Variants in EP400 observed in about 807,000 individuals in gnomAD.
The protein encoded by EP400 is E1A-binding protein p400.
In EP400, 105 loss-of-function variants were observed where a neutral mutation model predicts 354.1. The ratio of observed to expected loss-of-function variants is 0.30; its 90% CI spans 0.25 to 0.35. EP400 has a LOEUF of 0.35. Ranked by LOEUF, EP400 falls within the 10% of genes least tolerant of loss-of-function variation. The probability of loss-of-function intolerance (pLI) is 1.00; values close to 1 mark genes in which losing one functional copy is unlikely to be tolerated. For synonymous variants in EP400, 1,646 were observed against 1,716.9 expected, an observed-to-expected ratio of 0.96 and a Z score of 1.02; for missense variants, 3,280 against 4,121.0, an observed-to-expected ratio of 0.80 and a Z score of 5.59.
chr12:132,062,594 C>A lies in EP400; in HGVS notation c.8227C>A (p.Gln2743Lys), dbSNP rs1175335627. ...GCAGCAGCAGCAGCAGCAGCAGCAA[C>A]AGCAGCAGCAGCAACAGACGACGAC... ...QQQQQQQQQQQQQQQQTTTTS... is the reference protein window; with the variant it reads ...QQQQQQQQQQKQQQQQTTTTS... Residue 2743 changes from glutamine to lysine, a missense_variant, in exon 47 of 53, where the codon CAG becomes AAG. This residue lies in a region of EP400 where 47 missense variants were observed against 55.6 expected (regional missense o/e 0.85). Transcript: ENST00000389561. The A allele has an allele frequency of 1.2e-6, 2 of 1,607,188 alleles. No individual in the cohort carries two copies. Among genetic ancestry groups the A allele is most frequent in the Non-Finnish European group, 8.5e-7 (1 of 1,177,146 alleles).
At position 132,067,287 on chromosome 12, in the gene EP400, A is replaced by T; in HGVS notation, c.8750-75A>T. Reference sequence around the variant, plus strand: ...TTGTTATTTTCTGTAGAGGTGAGTCAGTTGGAACAGAGCTTGGCGTGAGCC... The same window carrying T: ...TTGTTATTTTCTGTAGAGGTGAGTCTGTTGGAACAGAGCTTGGCGTGAGCC... On this transcript the variant is annotated intron_variant, in intron 49 of 52. Coordinates refer to ENST00000389561, the MANE Select transcript of EP400 (RefSeq NM_015409.5). This position sits in a 1 kb window ranked among gnomAD's most constrained non-coding sequence, Gnocchi z 5.3. The T allele has an allele frequency of 6.4e-7, 1 of 1,559,098 alleles. No homozygotes were observed. Among genetic ancestry groups the T allele is most frequent in the Non-Finnish European group, 8.7e-7 (1 of 1,150,412 alleles).
rs755653355 is a variant in EP400, at chr12:132,043,290, T to C, written c.6208-14T>C. 3 of 1,602,464 alleles carry C rather than the reference T, an allele frequency of 1.9e-6. No homozygotes were observed. The highest frequency in any genetic ancestry group is 2.6e-6 in the Non-Finnish European group (3 of 1,175,834). Reference sequence around the variant, plus strand: ...AAAGTCTATCAAGGCAATCTAAACATAGACTTTCCTCAGGCCCTCAAGAGT... The same window carrying C: ...AAAGTCTATCAAGGCAATCTAAACACAGACTTTCCTCAGGCCCTCAAGAGT... On this transcript the variant is annotated splice_polypyrimidine_tract_variant and intron_variant, in intron 32 of 52. Coordinates refer to ENST00000389561, the MANE Select transcript of EP400 (RefSeq NM_015409.5).
intron 2 of EP400, among the ~76,000 whole-genome samples, chr12:131,970,477 C>T (rs1892251526): frequency 6.6e-6 from 1 of 152,216 alleles, no homozygotes; most frequent in Non-Finnish European, 1.5e-5. Context: ...TGTGTTTGTG[C>T]ACCAGGACAC....
intron 41 of EP400, 80 bp from the exon 42 acceptor site, chr12:132,053,066 C>A: frequency 6.8e-7 from 1 of 1,463,352 alleles, no homozygotes; most frequent in Non-Finnish European, 9.6e-7. Flanking sequence ...CACCTGGCAG[C>A]ATGGTGTTTC....
intron 12 of EP400, among the ~76,000 whole-genome samples, chr12:132,000,499 C>A (rs1215406705): frequency 6.6e-6 from 1 of 152,168 alleles, no homozygotes; most frequent in Non-Finnish European, 1.5e-5. Context: ...TTATCCAGTT[C>A]TTATCCTTAC....
intron 6 of EP400, among the ~76,000 whole-genome samples, chr12:131,987,397 G>A (rs1390702787): frequency 6.6e-6 from 1 of 152,110 alleles, no homozygotes; most frequent in African/African-American, 2.4e-5. Context: ...GGTTTCCCAT[G>A]TAAACACTTT....
Position 131,959,248 on chromosome 12 carries a change from G to A in EP400, c.-35-1337G>A, listed in dbSNP as rs550817448. 2.6e-5 allele frequency among the ~76,000 whole-genome samples: 4 copies of A among 152,328 alleles called. No homozygotes were observed. The East Asian group carries it at 7.7e-4, about 29-fold the overall frequency. On this transcript the variant is annotated intron_variant, in intron 1 of 52. Coordinates refer to ENST00000389561, the MANE Select transcript of EP400 (RefSeq NM_015409.5). ...TTGAAGCAGCAGCTGCCCCCTTGATGTGGGACAGTGTCCAACCTCTCCTCT... is the reference window on the plus strand; with the variant it reads ...TTGAAGCAGCAGCTGCCCCCTTGATATGGGACAGTGTCCAACCTCTCCTCT...
rs767538536 is a variant in EP400 at position 132,032,044 on chromosome 12, C to T, written c.5846C>T (p.Ala1949Val). The change falls in exon 30 of 53, where the codon GCG (alanine) becomes GTG (valine). Residue 1949 changes from alanine (A) to valine (V), a missense_variant. Ala to Val is a moderately conservative substitution (Grantham distance 64). Around this residue, in one of 20 missense-constraint regions of EP400, gnomAD observed 459 missense variants for 496.9 expected, o/e 0.92. Coordinates refer to ENST00000389561, the MANE Select transcript of EP400 (RefSeq NM_015409.5). ...SRTTGINLVE[A>V]DTVVFYDNDL... ...ACCACAGGTATAAACCTTGTAGAGG[C>T]GGACACCGTCGTGTTTTATGACAAT... 13 of 1,614,064 alleles carry T rather than the reference C, an allele frequency of 8.1e-6. No homozygotes were observed. Among genetic ancestry groups the T allele is most frequent in the South Asian group, 6.6e-5 (6 of 91,090 alleles).
intron 12 of EP400, among the ~76,000 whole-genome samples, chr12:131,999,286 A>G (rs149666147): frequency 3.3e-4 from 50 of 152,238 alleles, no homozygotes; most frequent in Non-Finnish European, 6.8e-4. Context: ...GACGTGTCCT[A>G]CGGTGTGCTC....
intron 50 of EP400, 181 bp from the exon 51 acceptor site, chr12:132,069,314 G>C (rs1475555831): frequency 1.2e-6 from 1 of 830,960 alleles, no homozygotes; most frequent in African/African-American, 1.7e-5. Context: ...GGCAGAGGTA[G>C]GCCTGGAGGC....
intron 5 of EP400, among the ~76,000 whole-genome samples, chr12:131,984,125 T>C (rs765752262): frequency 8.5e-5 from 13 of 152,200 alleles, no homozygotes; most frequent in Non-Finnish European, 1.5e-4. Flanking sequence ...CTTGAACTCC[T>C]GACCTCAGGT....
In EP400 at chr12:132,067,482, A is replaced by G; in HGVS notation, c.8870A>G (p.Gln2957Arg). The G allele has an allele frequency of 6.2e-7, 1 of 1,612,590 alleles. No individual in the cohort carries two copies. Reference protein sequence around the residue: ...QAAQGPAAVQQKITAQQITTP... With the variant: ...QAAQGPAAVQRKITAQQITTP... ...GCACAGGGCCCGGCAGCCGTCCAGC[A>G]GAAGGTACCGGGGCTAGGGGATTCT... is the stretch of plus-strand genomic sequence containing the variant. Residue 2957 changes from glutamine (Q) to arginine (R), a missense_variant, in exon 50 of 53, where the codon CAG becomes CGG. Physicochemically the swap from Gln to Arg is conservative, Grantham distance 43. Around this residue, in one of 20 missense-constraint regions of EP400, gnomAD observed 279 missense variants for 386.7 expected, o/e 0.72. Coordinates refer to ENST00000389561, the MANE Select transcript of EP400 (RefSeq NM_015409.5). The surrounding 1 kb of genome is among the most constrained non-coding windows in gnomAD (Gnocchi z 5.3).
intron 45 of EP400, among the ~76,000 whole-genome samples, chr12:132,056,871 G>A (rs949872722): frequency 1.4e-4 from 22 of 152,164 alleles, no homozygotes; most frequent in African/African-American, 5.3e-4. Flanking sequence ...TATAAAATGG[G>A]CAGAAGATGC....
Position 132,013,643 on chromosome 12 carries a change from A to C in EP400, c.3765A>C (p.Lys1255Asn), listed in dbSNP as rs1269739442. The change falls in exon 18 of 53, where the codon AAA (lysine) becomes AAC (asparagine). Residue 1255 changes from lysine (K) to asparagine (N), a missense_variant. Transcript: ENST00000389561. The surrounding 1 kb of genome is among the most constrained non-coding windows in gnomAD (Gnocchi z 4.5). Reference protein sequence around the residue: ...PSEESQDYYHKVVIRLHRVTQ... With the variant: ...PSEESQDYYHNVVIRLHRVTQ... ...AAGAGAGCCAGGATTACTACCATAAAGTGGTCATAAGGTTACACAGGGTAG... is the reference window on the plus strand; with the variant it reads ...AAGAGAGCCAGGATTACTACCATAACGTGGTCATAAGGTTACACAGGGTAG... 1 of 1,611,918 alleles carries C rather than the reference A, an allele frequency of 6.2e-7. No individual in the cohort carries two copies.
At chr12:131,955,852 G>A (rs895861230) in intron 1 of EP400, among the ~76,000 whole-genome samples, 8 of 151,828 alleles carry the variant, frequency 5.3e-5, no homozygotes, top group African/African-American at 1.9e-4. Flanking sequence ...CACCATGTTG[G>A]CCAGGCTGTT....
chr12:132,051,414 A>G (rs556177789), intron 41 of EP400, among the ~76,000 whole-genome samples: 1 of 152,290 alleles, frequency 6.6e-6, no homozygotes, highest in East Asian at 1.9e-4. Flanking sequence ...AGTGGCCCCA[A>G]ATGCCAGGCT....
At chr12:132,061,002 G>A (rs1237412085) in intron 45 of EP400, among the ~76,000 whole-genome samples, 1 of 152,052 alleles carries the variant, frequency 6.6e-6, no homozygotes, top group African/African-American at 2.4e-5. Context: ...TTCACTGAAT[G>A]ATATGCTTTA....
In EP400 at chr12:132,027,936, G is replaced by C; in HGVS notation, c.5110-81G>C. ...GTGGATCTCATATGTGGGAAATCAC[G>C]GGCTGGGTGGGGGGTTGGTGAAGAC... On this transcript the variant is annotated intron_variant, in intron 26 of 52. Coordinates refer to ENST00000389561, the MANE Select transcript of EP400 (RefSeq NM_015409.5). This position sits in a 1 kb window ranked among gnomAD's most constrained non-coding sequence, Gnocchi z 4.9. The C allele has an allele frequency of 6.8e-7, 1 of 1,477,224 alleles. No individual in the cohort carries two copies. Among genetic ancestry groups the C allele is most frequent in the Non-Finnish European group, 9.2e-7 (1 of 1,081,796 alleles). The allele number at this position is 1,477,224 out of a possible 1,614,324, so 91.5% of individuals were successfully genotyped here.
intron 12 of EP400, 113 bp downstream of exon 12, chr12:131,995,069 G>A: frequency 9.8e-7 from 1 of 1,022,416 alleles, no homozygotes; most frequent in Non-Finnish European, 1.5e-6. Context: ...CTGTTTTATG[G>A]AAAACAGTCC....
Sources: allele counts gnomAD v4.1 joint callset (sites outside exome capture counted in the v4.1 genomes callset), GRCh38; gene constraint gnomAD v4.1.1; regional missense constraint gnomAD v4.1.1; non-coding constraint Gnocchi (gnomAD v3.1); transcripts MANE v1.5; gene names NCBI Gene and HGNC (gene_info 2026-07-23, HGNC 2026-07-21).